Variants in PCDH15 observed in about 807,000 individuals in gnomAD.
PCDH15 encodes the protein protocadherin related 15, also known as protocadherin-15.
In PCDH15, 129 loss-of-function variants were observed where a neutral mutation model predicts 178.5. The ratio of observed to expected loss-of-function variants is 0.72; its 90% CI spans 0.63 to 0.84. The LOEUF (loss-of-function observed/expected upper bound fraction) is 0.84. Ranked by LOEUF, PCDH15 falls within the 40% of genes least tolerant of loss-of-function variation. The pLI is 0.00. For missense variants in PCDH15, 2,230 were observed against 2,099.9 expected, an observed-to-expected ratio of 1.06 and a Z score of -1.21; for synonymous variants, 800 against 732.0, an observed-to-expected ratio of 1.09 and a Z score of -1.50.
chr10:54,962,077 C>A (rs920734259), intron 2 of PCDH15, among the ~76,000 whole-genome samples: 3 of 152,224 alleles, frequency 2.0e-5, no homozygotes, highest in African/African-American at 7.2e-5. Flanking sequence ...TAACCTCATT[C>A]TTCCTGGATG....
intron 26 of PCDH15, among the ~76,000 whole-genome samples, chr10:53,896,327 A>G (rs2081948244): frequency 6.6e-6 from 1 of 152,216 alleles, no homozygotes; most frequent in Admixed American, 6.5e-5. Flanking sequence ...AAAATTACAA[A>G]TATTACAAGT....
intron 1 of PCDH15, among the ~76,000 whole-genome samples, chr10:55,283,482 C>T (rs1038366607): frequency 1.3e-5 from 2 of 151,890 alleles, no homozygotes; most frequent in Non-Finnish European, 2.9e-5. Flanking sequence ...ATTCCCCTGT[C>T]TTGATAAATT....
intron 2 of PCDH15, among the ~76,000 whole-genome samples, chr10:55,464,885 G>A (rs1368836405): frequency 1.4e-5 from 2 of 138,946 alleles, no homozygotes; most frequent in African/African-American, 5.5e-5. Flanking sequence ...TAAGGGTAAT[G>A]TGGTGATGCT....
chr10:53,972,323 A>AC (rs2089783662), intron 21 of PCDH15, among the ~76,000 whole-genome samples: 1 of 152,084 alleles, frequency 6.6e-6, no homozygotes, highest in South Asian at 2.1e-4. Flanking sequence ...TAGACCTAAA[A>AC]CCATAAAAAC....
intron 3 of PCDH15, among the ~76,000 whole-genome samples, chr10:54,525,272 A>C (rs1318895454): frequency 6.6e-6 from 1 of 152,208 alleles, no homozygotes; most frequent in East Asian, 1.9e-4. Context: ...AAGTAAATTT[A>C]CTAATTTAGC....
At chr10:54,402,414 A>T (rs2135493426) in intron 3 of PCDH15, among the ~76,000 whole-genome samples, 1 of 152,164 alleles carries the variant, frequency 6.6e-6, no homozygotes, top group African/African-American at 2.4e-5. Context: ...GCTCCTATTT[A>T]GAAACAGCAT....
At chr10:54,888,049 AC>A (rs1439340643) in intron 3 of PCDH15, among the ~76,000 whole-genome samples, 1 of 152,132 alleles carries the variant, frequency 6.6e-6, no homozygotes, top group East Asian at 1.9e-4. Context: ...TAATTGTTAT[AC>A]AGTATATTTC....
chr10:54,127,279 G>T (rs1008293719), intron 15 of PCDH15, among the ~76,000 whole-genome samples: 1 of 152,072 alleles, frequency 6.6e-6, no homozygotes, highest in East Asian at 1.9e-4. Flanking sequence ...CATTCCCCAT[G>T]TATACATTTG....
intron 3 of PCDH15, among the ~76,000 whole-genome samples, chr10:54,820,254 G>A (rs1008670841): frequency 2.0e-5 from 3 of 151,802 alleles, no homozygotes; most frequent in African/African-American, 7.3e-5. Context: ...GGGCTCCATC[G>A]AGATACTTCT....
intron 5 of PCDH15, among the ~76,000 whole-genome samples, chr10:54,349,266 C>T (rs576719409): frequency 8.5e-5 from 13 of 152,182 alleles, no homozygotes; most frequent in Middle Eastern, 3.4e-3. Context: ...AGCCCTACAA[C>T]TTAGGGAGAT....
chr10:55,250,488 A>C (rs982513911), intron 1 of PCDH15, among the ~76,000 whole-genome samples: 8 of 151,488 alleles, frequency 5.3e-5, no homozygotes, highest in African/African-American at 1.9e-4. Flanking sequence ...CTTGTAAAAA[A>C]AAAAACTAGT....
chr10:55,327,547 A>G (rs1844065776), intron 2 of PCDH15, among the ~76,000 whole-genome samples: 1 of 152,108 alleles, frequency 6.6e-6, no homozygotes, highest in South Asian at 2.1e-4. Context: ...CAAACATGTT[A>G]TATTCAATAC....
intron 2 of PCDH15, among the ~76,000 whole-genome samples, chr10:55,445,774 G>A (rs1255458549): frequency 1.3e-5 from 2 of 152,126 alleles, no homozygotes; most frequent in African/African-American, 2.4e-5. Flanking sequence ...ATGAAAACAG[G>A]AGGATCACGT....
chr10:55,164,612 T>C (rs368028297), intron 2 of PCDH15, among the ~76,000 whole-genome samples: 1 of 152,230 alleles, frequency 6.6e-6, no homozygotes, highest in East Asian at 1.9e-4. Flanking sequence ...TAATTCATGC[T>C]CTTGTTGATT....
At chr10:55,624,736 G>A (rs2257031) in intron 2 of PCDH15, among the ~76,000 whole-genome samples, 2 of 151,902 alleles carry the variant, frequency 1.3e-5, no homozygotes, top group African/African-American at 4.8e-5. Flanking sequence ...GACCAACATC[G>A]TTAGGCTGGA....
chr10:54,839,747 T>C (rs373742225), intron 3 of PCDH15, among the ~76,000 whole-genome samples: 67 of 152,088 alleles, frequency 4.4e-4, no homozygotes, highest in African/African-American at 1.4e-3. Flanking sequence ...AAACAGTGAA[T>C]TTAGAAAGCA....
intron 2 of PCDH15, among the ~76,000 whole-genome samples, chr10:55,450,390 A>G (rs951933940): frequency 2.0e-5 from 3 of 152,188 alleles, no homozygotes; most frequent in Admixed American, 6.5e-5. Flanking sequence ...GGCTTAAGAC[A>G]ACAAGTAGAG....
At chr10:55,298,920 G>A (rs993230043) in intron 1 of PCDH15, among the ~76,000 whole-genome samples, 1 of 152,098 alleles carries the variant, frequency 6.6e-6, no homozygotes, top group African/African-American at 2.4e-5. Context: ...AATGTCTCAA[G>A]TAGCTTCTAT....
intron 15 of PCDH15, among the ~76,000 whole-genome samples, chr10:54,130,355 CATGACT>C (rs1467193711): frequency 6.6e-6 from 1 of 152,176 alleles, no homozygotes; most frequent in Non-Finnish European, 1.5e-5. Context: ...AAGAGATGCA[CATGACT>C]GGCTCTCACG....
Sources: allele counts gnomAD v4.1 joint callset (sites outside exome capture counted in the v4.1 genomes callset), GRCh38; gene constraint gnomAD v4.1.1; transcripts MANE v1.5; gene names NCBI Gene and HGNC (gene_info 2026-07-23, HGNC 2026-07-21).